CTNNA2: variants seen among roughly 807,000 people sequenced by gnomAD.
CTNNA2 encodes the protein catenin alpha-2.
A neutral mutation model predicts 101.0 loss-of-function variants in CTNNA2; 42 were observed. The ratio of observed to expected loss-of-function variants is 0.42; its 90% confidence interval spans 0.32 to 0.54. The LOEUF (loss-of-function observed/expected upper bound fraction) is 0.54, where lower values mean the gene tolerates loss of function less well. CTNNA2 is among the 20% of genes least tolerant of loss of function. CTNNA2 has a pLI of 0.14. For missense variants in CTNNA2, 871 were observed against 1,223.1 expected (o/e 0.71, Z 4.29); for synonymous variants, 450 against 456.4 (o/e 0.99, Z 0.18).
At chr2:79,901,768 A>C (rs981384006) in intron 6 of CTNNA2, among the ~76,000 whole-genome samples, 14 of 152,180 alleles carry the variant, frequency 9.2e-5, no homozygotes, top group Admixed American at 5.9e-4. Context: ...TTTGAAACAT[A>C]ATCTGTGGGT....
intron 1 of CTNNA2, among the ~76,000 whole-genome samples, chr2:79,647,157 C>T (rs1005172483): frequency 7.2e-5 from 11 of 152,078 alleles, no homozygotes; most frequent in African/African-American, 1.2e-4. Flanking sequence ...ATGAAGGGCT[C>T]GTGAGACTGC....
chr2:79,710,486 G>A (rs527540105), intron 2 of CTNNA2, among the ~76,000 whole-genome samples: 1 of 152,348 alleles, frequency 6.6e-6, no homozygotes, highest in East Asian at 1.9e-4. Flanking sequence ...AGTCATGACA[G>A]AGGGATTGTG....
intron 4 of CTNNA2, chr2:79,493,941 A>C (rs900904983): frequency 6.6e-6 from 1 of 152,188 alleles, no homozygotes; most frequent in African/African-American, 2.4e-5. Flanking sequence ...AAATTCACCA[A>C]AAAGTATTAA....
intron 9 of CTNNA2, among the ~76,000 whole-genome samples, chr2:80,544,631 T>C (rs1241564028): frequency 6.6e-6 from 1 of 152,060 alleles, no homozygotes; most frequent in Non-Finnish European, 1.5e-5. Flanking sequence ...CAGAACTGAG[T>C]ACTGATATGG....
In CTNNA2 at chr2:79,842,708, T is replaced by G. The variant is rs933576916; in HGVS notation, c.299-15305T>G. Among the ~76,000 whole-genome samples, 28 of 150,564 alleles carry G rather than the reference T, an allele frequency of 1.9e-4. No homozygotes were observed. The East Asian group carries it at 3.3e-3, about 18-fold the overall frequency. On this transcript the variant is annotated intron_variant, in intron 3 of 18. Transcript: ENST00000402739. Reference sequence around the variant, plus strand: ...TTTAGCCGTAGTTTTGGGTGTGTGTTTTTTTTTTTAAATCTTTGAAATGGA... The same window carrying G: ...TTTAGCCGTAGTTTTGGGTGTGTGTGTTTTTTTTTAAATCTTTGAAATGGA...
At chr2:80,545,105 T>G (rs754033427) in intron 10 of CTNNA2, 31 bp downstream of exon 10, 52 of 1,606,422 alleles carry the variant, frequency 3.2e-5, no homozygotes, top group Non-Finnish European at 4.3e-5. Flanking sequence ...TTCAAAAGCC[T>G]GTCAGTGACC....
chr2:79,221,908 T>C (rs1417519685), intron 2 of CTNNA2, among the ~76,000 whole-genome samples: 1 of 152,112 alleles, frequency 6.6e-6, no homozygotes, highest in Non-Finnish European at 1.5e-5. Context: ...AGATAACGGC[T>C]CTCAGAAGTG....
At chr2:80,466,666 TTG>T (rs1369728105) in intron 9 of CTNNA2, among the ~76,000 whole-genome samples, 1 of 152,210 alleles carries the variant, frequency 6.6e-6, no homozygotes, top group African/African-American at 2.4e-5. Context: ...AAAACTACAT[TTG>T]ATTGATACAT....
chr2:79,912,030 G>A (rs1685835441), intron 7 of CTNNA2, among the ~76,000 whole-genome samples: 1 of 152,150 alleles, frequency 6.6e-6, no homozygotes, highest in Non-Finnish European at 1.5e-5. Context: ...TCGTTCCTGG[G>A]CTGTTATCTT....
intron 7 of CTNNA2, among the ~76,000 whole-genome samples, chr2:79,936,219 T>G (rs10192491): frequency 0.12 from 15,235 of 132,350 alleles, 822 homozygotes; most frequent in East Asian, 0.25. Flanking sequence ...TCTGAGTTTG[T>G]TTTTTTTTAT....
intron 7 of CTNNA2, among the ~76,000 whole-genome samples, chr2:80,135,095 C>T (rs1702620481): frequency 6.6e-6 from 1 of 152,146 alleles, no homozygotes; most frequent in African/African-American, 2.4e-5. Flanking sequence ...ATATAATGCT[C>T]TGCATTAAAG....
chr2:79,700,156 C>A (rs1432412742), intron 2 of CTNNA2, among the ~76,000 whole-genome samples: 1 of 151,930 alleles, frequency 6.6e-6, no homozygotes, highest in East Asian at 1.9e-4. Context: ...ATTAACTAAT[C>A]TTGCTAGTGA....
At chr2:80,381,816 A>G (rs1235720228) in intron 7 of CTNNA2, among the ~76,000 whole-genome samples, 1 of 152,094 alleles carries the variant, frequency 6.6e-6, no homozygotes, top group African/African-American at 2.4e-5. Context: ...AAGGGTTCTC[A>G]TCTCTTAGAA....
chr2:80,329,030 A>C (rs1671077318), intron 7 of CTNNA2, among the ~76,000 whole-genome samples: 1 of 152,156 alleles, frequency 6.6e-6, no homozygotes, highest in Non-Finnish European at 1.5e-5. Flanking sequence ...TGACTGTATA[A>C]GTTTATATGT....
At chr2:79,972,942 G>A (rs572431621) in intron 7 of CTNNA2, among the ~76,000 whole-genome samples, 40 of 152,102 alleles carry the variant, frequency 2.6e-4, no homozygotes, top group Non-Finnish European at 3.1e-4. Context: ...GCATGGTAAC[G>A]TGACAAGAGT....
intron 7 of CTNNA2, among the ~76,000 whole-genome samples, chr2:79,973,105 T>A (rs1365489103): frequency 1.3e-5 from 2 of 152,146 alleles, no homozygotes; most frequent in Non-Finnish European, 2.9e-5. Flanking sequence ...TGCCCTGAAA[T>A]AAATTCTCTA....
chr2:80,636,028 C>T (rs1353476282), intron 18 of CTNNA2, among the ~76,000 whole-genome samples: 3 of 149,560 alleles, frequency 2.0e-5, no homozygotes, highest in African/African-American at 7.4e-5. Flanking sequence ...CTTTTACACC[C>T]ATTAGCCCAG....
intron 2 of CTNNA2, among the ~76,000 whole-genome samples, chr2:79,651,886 T>C (rs2104478159): frequency 6.6e-6 from 1 of 152,276 alleles, no homozygotes; most frequent in South Asian, 2.1e-4. Flanking sequence ...GATGAGATAA[T>C]TGAAGAGGGG....
At position 79,797,505 on chromosome 2, in the gene CTNNA2, A is replaced by G. The variant is rs549838622; in HGVS notation, c.298+52923A>G. ...GAAACCTCATCTCTACTAAAAATAT[A>G]AAAAAATAGTCAGGTGTGGTGGTGC... On this transcript the variant is annotated intron_variant, in intron 3 of 18. Transcript: ENST00000402739. Among the ~76,000 whole-genome samples the G allele has an allele frequency of 3.3e-5, 5 of 151,218 alleles. No individual in the cohort carries two copies. The East Asian group carries it at 9.7e-4, about 29-fold the overall frequency.
Sources: gnomAD v4.1 joint callset for allele counts (sites outside exome capture counted in the v4.1 genomes callset) on GRCh38, gnomAD v4.1.1 for gene constraint, MANE v1.5 for transcripts, NCBI Gene and HGNC (gene_info 2026-07-23, HGNC 2026-07-21) for gene names.